The following ERC2 variants were observed in gnomAD, a reference collection of about 807,000 sequenced individuals.
The protein encoded by ERC2 is ELKS/RAB6-interacting/CAST family member 2.
In ERC2, 42 loss-of-function variants were observed where a neutral mutation model predicts 114.8. The observed-to-expected ratio is 0.37, with a 90% CI of 0.29 to 0.47. The LOEUF (loss-of-function observed/expected upper bound fraction) is 0.47. Among genes scored for constraint, ERC2 ranks in the 20% least tolerant of loss-of-function variants. The pLI, the probability that ERC2 is intolerant of heterozygous loss-of-function variation, is 0.99. For synonymous variants in ERC2, 454 were observed against 425.5 expected (o/e 1.07, Z -0.82); for missense variants, 939 against 1,150.7 (o/e 0.82, Z 2.66).
intron 17 of ERC2, among the ~76,000 whole-genome samples, chr3:55,542,642 T>C (rs2054474728): frequency 6.6e-6 from 1 of 152,168 alleles, no homozygotes; most frequent in African/African-American, 2.4e-5. Context: ...ATGGGACAGA[T>C]CTTTCATGAA....
At chr3:55,977,138 T>C (rs2069651703) in intron 12 of ERC2, among the ~76,000 whole-genome samples, 1 of 152,240 alleles carries the variant, frequency 6.6e-6, no homozygotes, top group Non-Finnish European at 1.5e-5. Context: ...CCCCAGTTTA[T>C]ATTTTGTTAT....
chr3:55,807,907 T>C (rs1020515547), intron 14 of ERC2, among the ~76,000 whole-genome samples: 1 of 152,182 alleles, frequency 6.6e-6, no homozygotes, highest in African/African-American at 2.4e-5. Flanking sequence ...TCCGCTAAAA[T>C]GACCTCTGAG....
At chr3:56,408,160 C>T (rs1224074068) in intron 2 of ERC2, among the ~76,000 whole-genome samples, 2 of 152,204 alleles carry the variant, frequency 1.3e-5, no homozygotes, top group Non-Finnish European at 2.9e-5. Flanking sequence ...GCCCTCAACT[C>T]AGCACTGTAA....
chr3:56,460,863 G>A (rs2063280535), intron 1 of ERC2, among the ~76,000 whole-genome samples: 1 of 151,038 alleles, frequency 6.6e-6, no homozygotes, highest in African/African-American at 2.4e-5. Flanking sequence ...GCTCACGCCT[G>A]TAATCCTAGC....
chr3:55,749,345 C>G (rs1361689898), intron 14 of ERC2, among the ~76,000 whole-genome samples: 1 of 152,170 alleles, frequency 6.6e-6, no homozygotes, highest in Non-Finnish European at 1.5e-5. Flanking sequence ...CAACAAAGCA[C>G]CCCTGCTTAG....
At chr3:56,000,874 C>T (rs6806432) in intron 10 of ERC2, among the ~76,000 whole-genome samples, 32,339 of 146,294 alleles carry the variant, frequency 0.22, 4,281 homozygotes, top group Admixed American at 0.31. Context: ...GGCAACAGAG[C>T]GAGACTTCGT....
chr3:56,331,690 A>T (rs780464493), intron 2 of ERC2, among the ~76,000 whole-genome samples: 2 of 152,136 alleles, frequency 1.3e-5, no homozygotes, highest in African/African-American at 2.4e-5. Context: ...TGAGACCTAA[A>T]AATGGGAAAT....
intron 2 of ERC2, among the ~76,000 whole-genome samples, chr3:56,330,349 T>A (rs1384402735): frequency 6.6e-6 from 1 of 152,178 alleles, no homozygotes; most frequent in Non-Finnish European, 1.5e-5. Context: ...TCATTTATAT[T>A]AATATTTTCT....
intron 7 of ERC2, among the ~76,000 whole-genome samples, chr3:56,038,257 T>C (rs1216154143): frequency 1.3e-5 from 2 of 151,620 alleles, no homozygotes; most frequent in Non-Finnish European, 2.9e-5. Context: ...ACAACCCCAT[T>C]AAAAAGTGGG....
intron 7 of ERC2, among the ~76,000 whole-genome samples, chr3:56,033,629 G>A (rs907294223): frequency 1.3e-5 from 2 of 151,958 alleles, no homozygotes; most frequent in South Asian, 2.1e-4. Flanking sequence ...AATTTCTGAA[G>A]GACAGCTTTG....
chr3:55,814,162 C>T (rs1260086219), intron 14 of ERC2, among the ~76,000 whole-genome samples: 3 of 152,194 alleles, frequency 2.0e-5, no homozygotes, highest in Non-Finnish European at 4.4e-5. Flanking sequence ...CAATCAAAAA[C>T]TCTTTCCAGG....
intron 6 of ERC2, among the ~76,000 whole-genome samples, chr3:56,129,899 T>C (rs2149884888): frequency 6.6e-6 from 1 of 152,316 alleles, no homozygotes; most frequent in South Asian, 2.1e-4. Flanking sequence ...TATTTGGTCA[T>C]ACAGGTCAAA....
intron 15 of ERC2, among the ~76,000 whole-genome samples, chr3:55,731,237 T>G (rs555914107): frequency 2.4e-4 from 37 of 152,378 alleles, no homozygotes; most frequent in African/African-American, 8.7e-4. Context: ...CTATCTGCTC[T>G]TTCTGCCACA....
At chr3:55,778,712 G>A (rs2068794939) in intron 14 of ERC2, among the ~76,000 whole-genome samples, 1 of 152,188 alleles carries the variant, frequency 6.6e-6, no homozygotes, top group Admixed American at 6.5e-5. Context: ...CAAAGGGTAT[G>A]TATCATTAGC....
intron 17 of ERC2, among the ~76,000 whole-genome samples, chr3:55,593,611 A>C (rs1324892940): frequency 6.6e-6 from 1 of 152,156 alleles, no homozygotes; most frequent in South Asian, 2.1e-4. Context: ...TGCCTCACTG[A>C]TGACACCTTT....
At chr3:55,977,440 A>G (rs1302261161) in intron 12 of ERC2, among the ~76,000 whole-genome samples, 1 of 152,216 alleles carries the variant, frequency 6.6e-6, no homozygotes, top group East Asian at 1.9e-4. Flanking sequence ...TAAGAAAAAG[A>G]CCAATAAAAG....
intron 13 of ERC2, among the ~76,000 whole-genome samples, chr3:55,949,445 T>A (rs1169035975): frequency 6.6e-6 from 1 of 151,352 alleles, no homozygotes; most frequent in East Asian, 1.9e-4. Flanking sequence ...CAAGCATCAA[T>A]GTAAAGGGCC....
chr3:55,651,140 C>T (rs148887400), intron 17 of ERC2, among the ~76,000 whole-genome samples: 3,152 of 150,288 alleles, frequency 0.021, 107 homozygotes, highest in African/African-American at 0.073. Context: ...GGATTACAGG[C>T]GTGAGCCACT....
chr3:56,365,311 G>A (rs6801157), intron 2 of ERC2, among the ~76,000 whole-genome samples: 144,834 of 152,326 alleles, frequency 0.95, 68,980 homozygotes, highest in East Asian at 1. Flanking sequence ...TAATCACTAC[G>A]TTACAATTGC....
Sources: gnomAD v4.1 joint callset for allele counts (sites outside exome capture counted in the v4.1 genomes callset) on GRCh38, gnomAD v4.1.1 for gene constraint, MANE v1.5 for transcripts, NCBI Gene and HGNC (gene_info 2026-07-23, HGNC 2026-07-21) for gene names.